The following ZBTB44 variants were observed in gnomAD, a reference collection of about 807,000 sequenced individuals.
ZBTB44 encodes the protein zinc finger and BTB domain containing 44.
In ZBTB44, 15 loss-of-function variants were observed where a neutral mutation model predicts 54.0. The ratio of observed to expected loss-of-function variants is 0.28; its 90% CI spans 0.19 to 0.43. The LOEUF (loss-of-function observed/expected upper bound fraction) is 0.43. ZBTB44 is among the 20% of genes least tolerant of loss of function. ZBTB44 has a pLI of 1.00. For missense variants in ZBTB44, 487 were observed against 707.1 expected (o/e 0.69, Z 3.53); for synonymous variants, 230 against 250.1 (o/e 0.92, Z 0.76).
chr11:130,270,980 C>CT (rs1939623089), intron 1 of ZBTB44, among the ~76,000 whole-genome samples: 1 of 152,062 alleles, frequency 6.6e-6, no homozygotes, highest in African/African-American at 2.4e-5. Flanking sequence ...AAAGAATGTA[C>CT]GGGGACGAAG....
chr11:130,272,424 A>T (rs1037973556), intron 1 of ZBTB44, among the ~76,000 whole-genome samples: 6 of 152,196 alleles, frequency 3.9e-5, no homozygotes, highest in Admixed American at 6.5e-5. Context: ...TTCCTTGTCC[A>T]TTTGGAGCTC....
intron 1 of ZBTB44, among the ~76,000 whole-genome samples, chr11:130,283,082 C>T (rs1565675099): frequency 7.0e-6 from 1 of 142,740 alleles, no homozygotes; most frequent in Non-Finnish European, 1.5e-5. Context: ...CGCTCTGTCA[C>T]CCAGACTGCT....
chr11:130,266,951 A>T (rs1433575277), intron 1 of ZBTB44, among the ~76,000 whole-genome samples: 1 of 152,192 alleles, frequency 6.6e-6, no homozygotes, highest in Admixed American at 6.5e-5. Flanking sequence ...ATCAAGTCCA[A>T]TTTAAAAAAA....
At chr11:130,294,402 ACT>A (rs1203326544) in intron 1 of ZBTB44, among the ~76,000 whole-genome samples, 2 of 151,492 alleles carry the variant, frequency 1.3e-5, no homozygotes, top group Admixed American at 6.6e-5. Flanking sequence ...ACAGAGAGAG[ACT>A]CTGTCTTAAA....
chr11:130,241,060 C>T (rs1954342037), intron 2 of ZBTB44, among the ~76,000 whole-genome samples: 1 of 152,156 alleles, frequency 6.6e-6, no homozygotes. Context: ...ATCGTTTTTA[C>T]GTGTAACCAA....
intron 1 of ZBTB44, among the ~76,000 whole-genome samples, chr11:130,287,265 T>C (rs1394998421): frequency 6.6e-6 from 1 of 152,146 alleles, no homozygotes; most frequent in Non-Finnish European, 1.5e-5. Context: ...CACTCTCCCT[T>C]CACAGCCAAG....
intron 7 of ZBTB44, 29 bp downstream of exon 7, chr11:130,233,279 G>C: frequency 6.7e-7 from 1 of 1,491,938 alleles, no homozygotes; most frequent in Admixed American, 2.2e-5. Flanking sequence ...AGTATGAGAA[G>C]AGTTCCTATG....
At chr11:130,265,640 T>C (rs1348360462) in intron 1 of ZBTB44, among the ~76,000 whole-genome samples, 1 of 152,222 alleles carries the variant, frequency 6.6e-6, no homozygotes. Flanking sequence ...GCTACTCCAG[T>C]GCACACACAA....
chr11:130,241,355 A>G (rs1954355146), intron 2 of ZBTB44, among the ~76,000 whole-genome samples: 1 of 152,222 alleles, frequency 6.6e-6, no homozygotes, highest in African/African-American at 2.4e-5. Flanking sequence ...GCTGCTCCAT[A>G]TCCTTACCTC....
At chr11:130,306,657 C>T (rs2134501031) in intron 1 of ZBTB44, among the ~76,000 whole-genome samples, 1 of 152,208 alleles carries the variant, frequency 6.6e-6, no homozygotes, top group South Asian at 2.1e-4. Flanking sequence ...TAGAACCAAC[C>T]TAAACGCCCA....
Position 130,238,008 on chromosome 11 carries a change from T to C in ZBTB44, c.1267+436A>G, listed in dbSNP as rs1032046698. Among the ~76,000 whole-genome samples the C allele has an allele frequency of 6.6e-5, 10 of 152,360 alleles. No individual in the cohort carries two copies. In the East Asian group the frequency reaches 1.3e-3, roughly 21 times the overall value. On this transcript the variant is annotated intron_variant, in intron 4 of 7. Coordinates refer to ENST00000357899, the MANE Select transcript of ZBTB44 (RefSeq NM_001301098.2). Reference sequence around the variant, plus strand: ...CACACAGAGATTTAGGACTGTAGAATTGAAAGTAAATTAGCAAGAAAATAT... The same window carrying C: ...CACACAGAGATTTAGGACTGTAGAACTGAAAGTAAATTAGCAAGAAAATAT...
Position 130,229,888 on chromosome 11 carries a change from CCAGT to C in ZBTB44, c.*1872_*1875del, listed in dbSNP as rs1368210040. 3 of 151,326 alleles carry C rather than the reference CCAGT, an allele frequency of 2.0e-5. No individual in the cohort carries two copies. Among genetic ancestry groups the C allele is most frequent in the Non-Finnish European group, 4.4e-5 (3 of 67,780 alleles). The allele number at this position is 151,326 out of a possible 1,614,324, so 9.4% of individuals were successfully genotyped here. On this transcript the variant is annotated 3_prime_UTR_variant, in exon 8 of 8. Coordinates refer to ENST00000357899, the MANE Select transcript of ZBTB44 (RefSeq NM_001301098.2). ...TAAACTTCACACTAGTTTTTTTTTC[CCAGT>C]TAGTATTAATATTTAGAAAATTTTT... is the stretch of plus-strand genomic sequence containing the variant.
chr11:130,293,537 T>C (rs1370004007), intron 1 of ZBTB44, among the ~76,000 whole-genome samples: 1 of 149,432 alleles, frequency 6.7e-6, no homozygotes, highest in Non-Finnish European at 1.5e-5. Flanking sequence ...CCCAGCACTT[T>C]GGGAGGCCAA....
At chr11:130,293,866 A>G (rs895480189) in intron 1 of ZBTB44, among the ~76,000 whole-genome samples, 1 of 152,202 alleles carries the variant, frequency 6.6e-6, no homozygotes, top group African/African-American at 2.4e-5. Context: ...CAAAGATTCT[A>G]ATCATTTTAC....
Position 130,226,976 on chromosome 11 carries a change from A to G in ZBTB44, c.*4788T>C, listed in dbSNP as rs1395229743. On this transcript the variant is annotated 3_prime_UTR_variant, in exon 8 of 8. Transcript: ENST00000357899. ...AATATAACTATACAGAATATATACA[A>G]TACACATGTTCACAAAGCAAACACT... 9 of 152,230 alleles carry G rather than the reference A, an allele frequency of 5.9e-5. No individual in the cohort carries two copies. The highest frequency in any genetic ancestry group is 5.9e-4 in the Admixed American group (9 of 15,284). The allele number at this position is 152,230 out of a possible 1,614,324, so 9.4% of individuals were successfully genotyped here.
chr11:130,305,791 A>C (rs894972384), intron 1 of ZBTB44, among the ~76,000 whole-genome samples: 1 of 152,212 alleles, frequency 6.6e-6, no homozygotes, highest in Non-Finnish European at 1.5e-5. Flanking sequence ...CAAAAGAAAT[A>C]ATCAGCAGAG....
intron 2 of ZBTB44, among the ~76,000 whole-genome samples, chr11:130,249,516 C>T (rs532221698): frequency 3.9e-5 from 6 of 152,258 alleles, no homozygotes; most frequent in South Asian, 2.1e-4. Flanking sequence ...GCAAGATGGC[C>T]GAATAGGAAC....
intron 1 of ZBTB44, among the ~76,000 whole-genome samples, chr11:130,309,297 G>C (rs1451869298): frequency 1.3e-5 from 2 of 152,138 alleles, no homozygotes; most frequent in Non-Finnish European, 2.9e-5. Context: ...TGCAACGCCA[G>C]CCTCAGCTAG....
chr11:130,239,905 A>G lies in ZBTB44; in HGVS notation c.1019-9T>C, dbSNP rs368766000. On this transcript the variant is annotated splice_polypyrimidine_tract_variant and intron_variant, in intron 2 of 7. Transcript: ENST00000357899. ...GCCTTCATCTACTGAGCCTGTGAAT[A>G]AGAGAAAGAGGACCACTGTAATCCT... The G allele has an allele frequency of 1.7e-5, 27 of 1,603,642 alleles. No individual in the cohort carries two copies. The highest frequency in any genetic ancestry group is 2.1e-5 in the Non-Finnish European group (25 of 1,173,570).
Sources: gnomAD v4.1 joint callset for allele counts (sites outside exome capture counted in the v4.1 genomes callset) on GRCh38, gnomAD v4.1.1 for gene constraint, MANE v1.5 for transcripts, NCBI Gene and HGNC (gene_info 2026-07-23, HGNC 2026-07-21) for gene names.